Variants in DHX35 observed in about 807,000 individuals in gnomAD.
DHX35 encodes the protein DEAH-box helicase 35.
In DHX35, 84 loss-of-function variants were observed where a neutral mutation model predicts 99.6. That is an observed-to-expected ratio of 0.84 (90% confidence interval 0.71 to 1.01). The LOEUF is 1.01. Ranked by LOEUF, DHX35 falls within the 50% of genes least tolerant of loss-of-function variation. The pLI, the probability that DHX35 is intolerant of heterozygous loss-of-function variation, is 0.00. For missense variants in DHX35, 852 were observed against 888.5 expected (o/e 0.96, Z 0.52); for synonymous variants, 331 against 316.2 (o/e 1.05, Z -0.50).
In DHX35 at chr20:38,969,221, C is replaced by G. The variant is rs545174345; in HGVS notation, c.174+7C>G. ...GAAGCTGCCGGTATTCAAGGTACGT[C>G]AAATAATCATGTTCAACCTGTGGGC... is the stretch of plus-strand genomic sequence containing the variant. On this transcript the variant is annotated splice_region_variant and intron_variant, in intron 2 of 21. Transcript: ENST00000252011. 7 of 1,605,578 alleles carry G rather than the reference C, an allele frequency of 4.4e-6. No individual in the cohort carries two copies. The highest frequency in any genetic ancestry group is 3.3e-5 in the South Asian group (3 of 90,622).
At chr20:39,002,914 A>G (rs1369590507) in intron 10 of DHX35, 46 bp downstream of exon 10, 1 of 1,484,360 alleles carries the variant, frequency 6.7e-7, no homozygotes, top group African/African-American at 1.4e-5. Flanking sequence ...TTAAGACAGC[A>G]CCAAAAGTAA....
intron 11 of DHX35, among the ~76,000 whole-genome samples, chr20:39,005,805 G>A (rs2086606680): frequency 2.6e-5 from 4 of 152,094 alleles, no homozygotes; most frequent in Non-Finnish European, 4.4e-5. Context: ...ATTTACTTTG[G>A]TTATGCCAAA....
At chr20:38,966,878 A>G (rs557884608) in intron 1 of DHX35, among the ~76,000 whole-genome samples, 5 of 152,214 alleles carry the variant, frequency 3.3e-5, no homozygotes, top group Non-Finnish European at 7.3e-5. Flanking sequence ...ATTACAAGGA[A>G]TTATTAAGAT....
rs115820648 is a variant in DHX35 at position 38,971,477 on chromosome 20, G to A, written c.175-1082G>A. ...CCTTGTCTGCCTTCTTTAGGCTGCT[G>A]TATAGACAATAGTGACTCTATCTTG... On this transcript the variant is annotated intron_variant, in intron 2 of 21. Coordinates refer to ENST00000252011, the MANE Select transcript of DHX35 (RefSeq NM_021931.4). Among the ~76,000 whole-genome samples the A allele has an allele frequency of 4.6e-3, 702 of 152,196 alleles. 8 individuals carry two copies. The highest frequency in any genetic ancestry group is 0.016 in the African/African-American group (677 of 41,524).
chr20:38,965,524 A>G (rs916428031), intron 1 of DHX35, among the ~76,000 whole-genome samples: 2 of 152,188 alleles, frequency 1.3e-5, no homozygotes, highest in African/African-American at 2.4e-5. Flanking sequence ...TAGTATGTAC[A>G]GTGGAGATCT....
chr20:38,962,496 C>T (rs1292195580), intron 1 of DHX35, 89 bp downstream of exon 1: 1 of 1,507,494 alleles, frequency 6.6e-7, no homozygotes, highest in Non-Finnish European at 9.0e-7. Flanking sequence ...AGCAGACCTG[C>T]TCGCAGGCCT....
chr20:39,035,705 A>G (rs2087140064), intron 21 of DHX35, among the ~76,000 whole-genome samples: 1 of 152,208 alleles, frequency 6.6e-6, no homozygotes, highest in South Asian at 2.1e-4. Flanking sequence ...CAGGTGCCGT[A>G]GTCCCATGTC....
Position 39,028,434 on chromosome 20 carries a change from T to G in DHX35, c.1818T>G (p.Val606=), listed in dbSNP as rs1455676775. The G allele has an allele frequency of 6.2e-7, 1 of 1,614,212 alleles. No homozygotes were observed. The highest frequency in any genetic ancestry group is 8.5e-7 in the Non-Finnish European group (1 of 1,180,040). ...RKSSEGDPDL[V]LRCIVSGFFA... ...CCTATGTAGGTGACCCGGATCTGGTTCTGAGGTGCATTGTCTCCGGCTTCT... is the reference window on the plus strand; with the variant it reads ...CCTATGTAGGTGACCCGGATCTGGTGCTGAGGTGCATTGTCTCCGGCTTCT... The change falls in exon 19 of 22, where the codon GTT becomes GTG. Residue 606 remains valine (V), a synonymous_variant. Coordinates refer to ENST00000252011, the MANE Select transcript of DHX35 (RefSeq NM_021931.4).
At chr20:39,037,714 G>A (rs1369748511) in intron 21 of DHX35, among the ~76,000 whole-genome samples, 1 of 152,172 alleles carries the variant, frequency 6.6e-6, no homozygotes, top group East Asian at 1.9e-4. Flanking sequence ...GGGCTGTCGG[G>A]TATATCCCAG....
intron 5 of DHX35, among the ~76,000 whole-genome samples, chr20:38,989,223 G>A (rs543078461): frequency 2.0e-4 from 29 of 147,350 alleles, no homozygotes; most frequent in African/African-American, 5.3e-4. Flanking sequence ...TCAGCCTCCC[G>A]AGTAGCTGGG....
chr20:39,010,407 A>G lies in DHX35; in HGVS notation c.1347+3A>G. ...TCCTCAGGTTCCACTTCATGTCGGT[A>G]AGTCCTGCCTGCTGTCTGGGGCCAT... is the stretch of plus-strand genomic sequence containing the variant. On this transcript the variant is annotated splice_donor_region_variant and intron_variant, in intron 13 of 21. Coordinates refer to ENST00000252011, the MANE Select transcript of DHX35 (RefSeq NM_021931.4). 3.7e-6 allele frequency: 6 copies of G among 1,613,942 alleles called. No individual in the cohort carries two copies. Among genetic ancestry groups the G allele is most frequent in the Non-Finnish European group, 5.1e-6 (6 of 1,179,906 alleles).
At chr20:39,018,235 C>T (rs4812352) in intron 14 of DHX35, among the ~76,000 whole-genome samples, 23,405 of 151,956 alleles carry the variant, frequency 0.15, 1,950 homozygotes, top group East Asian at 0.29. Context: ...GGGATGCCAT[C>T]GATACCATCC....
At position 39,032,763 on chromosome 20, in the gene DHX35, A is replaced by T. The variant is rs564991063; in HGVS notation, c.1956-1443A>T. 3.9e-5 allele frequency among the ~76,000 whole-genome samples: 6 copies of T among 152,334 alleles called. No homozygotes were observed. The East Asian group carries it at 1.2e-3, about 29-fold the overall frequency. On this transcript the variant is annotated intron_variant, in intron 20 of 21. Transcript: ENST00000252011. Reference sequence around the variant, plus strand: ...GACTAGGGCCTAGGACTCCATTTTAACAAGCCCTCCAGATGTTTCTTTTGG... The same window carrying T: ...GACTAGGGCCTAGGACTCCATTTTATCAAGCCCTCCAGATGTTTCTTTTGG...
intron 8 of DHX35, among the ~76,000 whole-genome samples, chr20:38,995,932 T>C (rs190181241): frequency 3.8e-4 from 58 of 152,308 alleles, no homozygotes; most frequent in African/African-American, 1.3e-3. Flanking sequence ...CAGGCCCTCA[T>C]GGGTGAATTA....
chr20:39,032,411 A>G (rs1395480947), intron 20 of DHX35, among the ~76,000 whole-genome samples: 2 of 152,162 alleles, frequency 1.3e-5, no homozygotes, highest in Non-Finnish European at 2.9e-5. Context: ...ACCTCAGGTG[A>G]TCTGCCCACC....
In DHX35 at chr20:39,012,579, G is replaced by T. The variant is rs1280767597; in HGVS notation, c.1347+2175G>T. On this transcript the variant is annotated intron_variant, in intron 13 of 21. Transcript: ENST00000252011. The stretch of plus-strand genomic sequence containing the variant: ...GAGTCTCTCTCTGTCACCCAGGCTG[G>T]AGTGCAGTTGTGCGATCTCAGCTCA... 2.6e-5 allele frequency among the ~76,000 whole-genome samples: 4 copies of T among 152,046 alleles called. No individual in the cohort carries two copies. In the East Asian group the frequency reaches 7.7e-4, roughly 29 times the overall value.
At chr20:39,004,483 C>T (rs1386775906) in intron 11 of DHX35, among the ~76,000 whole-genome samples, 2 of 152,190 alleles carry the variant, frequency 1.3e-5, no homozygotes, top group East Asian at 3.9e-4. Flanking sequence ...CACATGCTTA[C>T]TTTGGCTTAA....
intron 4 of DHX35, among the ~76,000 whole-genome samples, chr20:38,984,259 A>G (rs1247802514): frequency 6.6e-6 from 1 of 152,162 alleles, no homozygotes; most frequent in African/African-American, 2.4e-5. Context: ...TGTTAAATTG[A>G]TCCTGCACAT....
chr20:38,962,420 G>C lies in DHX35; in HGVS notation c.40+13G>C. 1 of 1,611,936 alleles carries C rather than the reference G, an allele frequency of 6.2e-7. No homozygotes were observed. The highest frequency in any genetic ancestry group is 1.1e-5 in the South Asian group (1 of 90,758). On this transcript the variant is annotated intron_variant, in intron 1 of 21. Coordinates refer to ENST00000252011, the MANE Select transcript of DHX35 (RefSeq NM_021931.4). The stretch of plus-strand genomic sequence containing the variant: ...TTCTGGCGACCCGGTAAGGCCCTTG[G>C]TGGAACGCTGGGCAGATGCGGCGGC...
Sources: gnomAD v4.1 joint callset for allele counts (sites outside exome capture counted in the v4.1 genomes callset) on GRCh38, gnomAD v4.1.1 for gene constraint, MANE v1.5 for transcripts, NCBI Gene and HGNC (gene_info 2026-07-23, HGNC 2026-07-21) for gene names.